GABPB1: variants seen among roughly 807,000 people sequenced by gnomAD.
The protein encoded by GABPB1 is GA binding protein transcription factor subunit beta 1, also known as GA-binding protein subunit beta-1.
GABPB1 carries 15 observed loss-of-function variants against 45.9 expected under a neutral mutation model. The observed-to-expected ratio is 0.33, with a 90% CI of 0.22 to 0.50. The LOEUF is 0.50. Ranked by LOEUF, GABPB1 falls within the 20% of genes least tolerant of loss-of-function variation. The pLI, the probability that GABPB1 is intolerant of heterozygous loss-of-function variation, is 0.98. For synonymous variants in GABPB1, 143 were observed against 154.4 expected, an observed-to-expected ratio of 0.93 and a Z score of 0.55; for missense variants, 252 against 457.5, an observed-to-expected ratio of 0.55 and a Z score of 4.10.
intron 6 of GABPB1, among the ~76,000 whole-genome samples, chr15:50,295,502 G>C (rs2046480613): frequency 6.6e-6 from 1 of 151,976 alleles, no homozygotes; most frequent in South Asian, 2.1e-4. Flanking sequence ...CATGACACTA[G>C]AGTGGCCTGT....
chr15:50,297,261 G>A (rs1400028905), intron 6 of GABPB1, among the ~76,000 whole-genome samples: 2 of 150,454 alleles, frequency 1.3e-5, no homozygotes, highest in Admixed American at 6.6e-5. Flanking sequence ...CACCCAGGCT[G>A]GGGTGCAGTG....
At chr15:50,321,194 G>A (rs989763268) in intron 1 of GABPB1, among the ~76,000 whole-genome samples, 4 of 152,146 alleles carry the variant, frequency 2.6e-5, no homozygotes, top group Non-Finnish European at 5.9e-5. Flanking sequence ...TGAGAAGCAG[G>A]ATTGCTAGAC....
At chr15:50,335,107 T>C (rs559807887) in intron 1 of GABPB1, among the ~76,000 whole-genome samples, 47 of 152,232 alleles carry the variant, frequency 3.1e-4, no homozygotes, top group Non-Finnish European at 5.9e-4. Context: ...AAATTAAGTA[T>C]GGCTTACGGT....
At chr15:50,307,894 C>T (rs2047001277) in intron 2 of GABPB1, among the ~76,000 whole-genome samples, 1 of 152,016 alleles carries the variant, frequency 6.6e-6, no homozygotes, top group East Asian at 1.9e-4. Context: ...CCTATTTTTG[C>T]TCTTTTTGTG....
At chr15:50,344,583 G>A (rs1247064838) in intron 1 of GABPB1, among the ~76,000 whole-genome samples, 2 of 152,226 alleles carry the variant, frequency 1.3e-5, no homozygotes, top group Non-Finnish European at 2.9e-5. Context: ...GCTCACGCCT[G>A]TAACGCCTGC....
At chr15:50,336,166 T>C (rs541725715) in intron 1 of GABPB1, among the ~76,000 whole-genome samples, 71 of 151,144 alleles carry the variant, frequency 4.7e-4, no homozygotes, top group African/African-American at 1.7e-3. Context: ...GTCTGGCCAA[T>C]ATGGCGAAAA....
At chr15:50,281,020 A>C (rs901987127) in intron 8 of GABPB1, among the ~76,000 whole-genome samples, 31 of 152,346 alleles carry the variant, frequency 2.0e-4, no homozygotes, top group Non-Finnish European at 1.3e-4. Flanking sequence ...CATACTGCAT[A>C]TTTTAACTTC....
At chr15:50,303,210 A>G (rs147773622) in intron 3 of GABPB1, 87 bp from the exon 4 acceptor site, 13 of 1,023,574 alleles carry the variant, frequency 1.3e-5, no homozygotes, top group Middle Eastern at 2.1e-4. Context: ...TGTGCTTTAA[A>G]GCAAGAACAA....
At chr15:50,348,757 G>A (rs1230878861) in intron 1 of GABPB1, among the ~76,000 whole-genome samples, 1 of 151,952 alleles carries the variant, frequency 6.6e-6, no homozygotes, top group Non-Finnish European at 1.5e-5. Context: ...AGCTACTCGG[G>A]AGGCTGAGGC....
At chr15:50,303,162 T>A in intron 3 of GABPB1, 39 bp from the exon 4 acceptor site, 1 of 1,481,754 alleles carries the variant, frequency 6.7e-7, no homozygotes, top group Admixed American at 2.1e-5. Context: ...AAATATGAAA[T>A]ATCACATAAA....
chr15:50,284,842 T>C (rs917921744), intron 8 of GABPB1, among the ~76,000 whole-genome samples: 1 of 152,174 alleles, frequency 6.6e-6, no homozygotes, highest in African/African-American at 2.4e-5. Context: ...TACTATTCAA[T>C]GGAAAAATTG....
At chr15:50,324,669 C>G (rs1401478511) in intron 1 of GABPB1, among the ~76,000 whole-genome samples, 1 of 151,796 alleles carries the variant, frequency 6.6e-6, no homozygotes, top group Non-Finnish European at 1.5e-5. Flanking sequence ...CTCAGCCTCC[C>G]AAGTAGCTCG....
intron 2 of GABPB1, among the ~76,000 whole-genome samples, chr15:50,307,451 T>C (rs548268477): frequency 2.0e-5 from 3 of 152,222 alleles, no homozygotes; most frequent in African/African-American, 7.2e-5. Context: ...TCTTAAGATC[T>C]TTCTGTCTTT....
chr15:50,354,544 G>T (rs764573929), intron 1 of GABPB1: 15 of 448,274 alleles, frequency 3.3e-5, no homozygotes, highest in South Asian at 2.2e-4. Context: ...GCCAGAGGCC[G>T]AGGCCCAGCC....
At position 50,277,048 on chromosome 15, in the gene GABPB1, T is replaced by G. The variant is rs2045847506; in HGVS notation, c.*1584A>C. On this transcript the variant is annotated 3_prime_UTR_variant, in exon 9 of 9. Transcript: ENST00000380877. ...GTGCTTCCAATAGTAACCATCAGGC[T>G]GACAGACCATAGACCCCTTTATTAC... The G allele has an allele frequency of 6.6e-6, 1 of 152,336 alleles. No individual in the cohort carries two copies. The highest frequency in any genetic ancestry group is 2.4e-5 in the African/African-American group (1 of 41,586). 9.4% of individuals were successfully genotyped at this position (152,336 alleles called of 1,614,324 possible).
chr15:50,288,321 G>A (rs756191646), intron 7 of GABPB1, among the ~76,000 whole-genome samples: 5 of 152,180 alleles, frequency 3.3e-5, no homozygotes, highest in Non-Finnish European at 5.9e-5. Flanking sequence ...ATTCCAAAGT[G>A]CTGGGATTAT....
At chr15:50,350,546 C>G (rs1266090142) in intron 1 of GABPB1, 1 of 151,562 alleles carries the variant, frequency 6.6e-6, no homozygotes, top group East Asian at 1.9e-4. Flanking sequence ...TCTCTTTATC[C>G]AGGAAGGCAA....
intron 1 of GABPB1, chr15:50,314,730 T>C (rs2141067568): frequency 6.6e-6 from 1 of 152,384 alleles, no homozygotes; most frequent in African/African-American, 2.4e-5. Flanking sequence ...ATTGAAAATA[T>C]ATCTACGGCT....
At chr15:50,321,557 C>T (rs564743280) in intron 1 of GABPB1, among the ~76,000 whole-genome samples, 14 of 152,226 alleles carry the variant, frequency 9.2e-5, no homozygotes, top group African/African-American at 3.1e-4. Context: ...ATTCTGTTAG[C>T]CAGGCATGGT....
Sources: allele counts gnomAD v4.1 joint callset (sites outside exome capture counted in the v4.1 genomes callset), GRCh38; gene constraint gnomAD v4.1.1; transcripts MANE v1.5; gene names NCBI Gene and HGNC (gene_info 2026-07-23, HGNC 2026-07-21).